The following CHAF1A variants were observed in gnomAD, a reference collection of about 807,000 sequenced individuals.
CHAF1A encodes chromatin assembly factor 1 subunit A, also known as CAF-1 subunit A.
Under a neutral mutation model 93.2 loss-of-function variants are expected in CHAF1A, and 5 were observed. The observed-to-expected ratio is 0.05, with a 90% CI of 0.03 to 0.11. The LOEUF is 0.11. Among genes scored for constraint, CHAF1A ranks in the 10% least tolerant of loss-of-function variants. CHAF1A has a pLI of 1.00. For missense variants in CHAF1A, 1,102 were observed against 1,259.9 expected (o/e 0.87, Z 1.90); for synonymous variants, 504 against 510.3 (o/e 0.99, Z 0.17).
At chr19:4,446,913 A>G (rs571965440), downstream of CHAF1A, 34 of 1,613,848 alleles carry the variant, frequency 2.1e-5, no homozygotes, top group Non-Finnish European at 2.7e-5. Flanking sequence ...CAGGCAGTTA[A>G]TGCGCTCCTG....
intron 4 of CHAF1A, 50 bp downstream of exon 4, chr19:4,418,126 T>C: frequency 7.6e-7 from 1 of 1,307,462 alleles, no homozygotes; most frequent in African/African-American, 1.5e-5. Flanking sequence ...GCTTTTTGCA[T>C]TAAATAGTAA....
chr19:4,412,419 C>T (rs557832842), intron 3 of CHAF1A, among the ~76,000 whole-genome samples: 5 of 152,330 alleles, frequency 3.3e-5, no homozygotes, highest in African/African-American at 4.8e-5. Flanking sequence ...TGACGCTTGC[C>T]TGTAATCCCA....
chr19:4,423,220 C>G, intron 5 of CHAF1A, 115 bp from the exon 6 acceptor site: 1 of 1,450,224 alleles, frequency 6.9e-7, no homozygotes, highest in South Asian at 1.4e-5. Flanking sequence ...ATGAAAATAA[C>G]TTATATTCAT....
At chr19:4,406,274 A>G (rs1033208219) in intron 2 of CHAF1A, among the ~76,000 whole-genome samples, 3 of 152,188 alleles carry the variant, frequency 2.0e-5, no homozygotes, top group Non-Finnish European at 4.4e-5. Context: ...TCCAAGTCGT[A>G]ACAACCAAAA....
At chr19:4,447,782 G>T, downstream of CHAF1A, 1 of 713,108 alleles carries the variant, frequency 1.4e-6, no homozygotes, top group Non-Finnish European at 2.4e-6. Flanking sequence ...CCATCTCCGG[G>T]TGGAAGGCAC....
In CHAF1A at chr19:4,422,507, G is replaced by A. The variant is rs970066321; in HGVS notation, c.1018-59G>A. ...CGTGCTGTCCTCCATGCTGTGAACC[G>A]AGCTTCCTCCTGGGAGTTGGAGGGA... On this transcript the variant is annotated intron_variant, in intron 4 of 14. Transcript: ENST00000301280. This position sits in a 1 kb window ranked among gnomAD's most constrained non-coding sequence, Gnocchi z 4.6. 31 of 1,476,598 alleles carry A rather than the reference G, an allele frequency of 2.1e-5. No individual in the cohort carries two copies. The highest frequency in any genetic ancestry group is 2.2e-4 in the Middle Eastern group (1 of 4,612). 91.5% of individuals were successfully genotyped at this position (1,476,598 alleles called of 1,614,324 possible). A position where few individuals can be genotyped will look rare whatever the true frequency, so the allele number is the denominator to read the frequency against.
rs372629225 is a variant in CHAF1A, at chr19:4,418,045, C to T, written c.986C>T (p.Ser329Phe). 1 of 1,606,922 alleles carries T rather than the reference C, an allele frequency of 6.2e-7. No individual in the cohort carries two copies. The highest frequency in any genetic ancestry group is 8.5e-7 in the Non-Finnish European group (1 of 1,176,844). ...RRITKKFVKG[S>F]TEKNKLRLQR... ...ATAACTAAGAAATTCGTCAAAGGCTCTACAGAGAAGAACAAGCTCAGACTG... is the reference window on the plus strand; with the variant it reads ...ATAACTAAGAAATTCGTCAAAGGCTTTACAGAGAAGAACAAGCTCAGACTG... The change falls in exon 4 of 15, where the codon TCT becomes TTT. Residue 329 changes from serine to phenylalanine, a missense_variant. Transcript: ENST00000301280.
chr19:4,446,999 C>T (rs968136086), downstream of CHAF1A: 11 of 1,389,500 alleles, frequency 7.9e-6, no homozygotes, highest in African/African-American at 5.7e-5. Context: ...TCCAGGGGCC[C>T]GGCTCTCGCT....
intron 2 of CHAF1A, among the ~76,000 whole-genome samples, chr19:4,406,877 A>C (rs1177413730): frequency 6.6e-6 from 1 of 152,054 alleles, no homozygotes; most frequent in South Asian, 2.1e-4. Flanking sequence ...GTGAATTATA[A>C]TGACACCACT....
intron 12 of CHAF1A, among the ~76,000 whole-genome samples, chr19:4,432,758 T>TAA (rs5826849): frequency 0.52 from 69,969 of 135,492 alleles, 17,682 homozygotes; most frequent in Admixed American, 0.67. Flanking sequence ...AGACCCTGTC[T>TAA]AAAAAAAAAA....
At chr19:4,409,793 T>A (rs1879885444) in intron 3 of CHAF1A, 34 bp downstream of exon 3, 1 of 1,563,428 alleles carries the variant, frequency 6.4e-7, no homozygotes, top group Non-Finnish European at 8.7e-7. Flanking sequence ...TGCACATCAG[T>A]GCTCACGGAT....
At position 4,429,516 on chromosome 19, in the gene CHAF1A, G is replaced by C; in HGVS notation, c.1683G>C (p.Gln561His). 1 of 1,613,980 alleles carries C rather than the reference G, an allele frequency of 6.2e-7. No individual in the cohort carries two copies. Among genetic ancestry groups the C allele is most frequent in the Non-Finnish European group, 8.5e-7 (1 of 1,179,992 alleles). Residue 561 changes from glutamine to histidine, a missense_variant, in exon 9 of 15, where the codon CAG becomes CAC. Physicochemically the swap from Gln to His is conservative, Grantham distance 24. Transcript: ENST00000301280. ...AGTTTGGCAGGATGAAGCTCCTGCA[G>C]TTCTGTGAGAACCACCGGCCTGCCT... Reference protein sequence around the residue: ...RRKFGRMKLLQFCENHRPAYW... With the variant: ...RRKFGRMKLLHFCENHRPAYW...
chr19:4,421,007 G>A (rs889144471), intron 4 of CHAF1A, among the ~76,000 whole-genome samples: 3 of 152,188 alleles, frequency 2.0e-5, no homozygotes, highest in South Asian at 4.1e-4. Flanking sequence ...AGGTTGCAGT[G>A]AGCCAAGATA....
At chr19:4,448,902 C>T (rs564609260), downstream of CHAF1A, 23 of 163,300 alleles carry the variant, frequency 1.4e-4, no homozygotes, top group South Asian at 3.4e-3. Flanking sequence ...ACAGGGATGG[C>T]AGGTGGCAGA....
chr19:4,435,007 G>A (rs917244176), intron 13 of CHAF1A, among the ~76,000 whole-genome samples: 1 of 151,890 alleles, frequency 6.6e-6, no homozygotes, highest in African/African-American at 2.4e-5. Context: ...CCATAGATCG[G>A]CTTTGTTAAC....
At chr19:4,423,957 C>T (rs1974036701) in intron 7 of CHAF1A, 83 bp downstream of exon 7, 2 of 1,319,484 alleles carry the variant, frequency 1.5e-6, no homozygotes, top group African/African-American at 1.5e-5. Context: ...TCTCCCCAGC[C>T]AGCTTCTCTC....
chr19:4,443,593 C>T (rs991702616), downstream of CHAF1A, among the ~76,000 whole-genome samples: 5 of 152,182 alleles, frequency 3.3e-5, no homozygotes, highest in African/African-American at 1.2e-4. Context: ...GCACGTGCTT[C>T]TGTCCGGCGA....
chr19:4,402,670 C>T lies in CHAF1A; in HGVS notation c.-93C>T, dbSNP rs958020483. 1.9e-5 allele frequency: 16 copies of T among 847,128 alleles called. No individual in the cohort carries two copies. In the African/African-American group the frequency reaches 2.5e-4, roughly 13 times the overall value. The allele number at this position is 847,128 out of a possible 1,614,324, so 52.5% of individuals were successfully genotyped here. A position where few individuals can be genotyped will look rare whatever the true frequency, so the allele number is the denominator to read the frequency against. ...ACGAGCGCGGCGGCCGCGGCGGCAG[C>T]AGCGGCGCGGGCGGGAGGGCGAAGA... On this transcript the variant is annotated 5_prime_UTR_variant, in exon 1 of 15. Coordinates refer to ENST00000301280, the MANE Select transcript of CHAF1A (RefSeq NM_005483.3).
downstream of CHAF1A, chr19:4,445,778 C>T (rs34822893): frequency 0.015 from 18,727 of 1,269,904 alleles, 162 homozygotes; most frequent in Non-Finnish European, 0.018. Context: ...TGCCCTCTCC[C>T]TCCGGGACTC....
Sources: allele counts gnomAD v4.1 joint callset (sites outside exome capture counted in the v4.1 genomes callset), GRCh38; gene constraint gnomAD v4.1.1; non-coding constraint Gnocchi (gnomAD v3.1); transcripts MANE v1.5; gene names NCBI Gene and HGNC (gene_info 2026-07-23, HGNC 2026-07-21).